RRS1: variants seen among roughly 807,000 people sequenced by gnomAD.
The protein encoded by RRS1 is regulator of ribosome synthesis 1.
In RRS1, 10 loss-of-function variants were observed where a neutral mutation model predicts 23.1. The ratio of observed to expected loss-of-function variants is 0.43; its 90% CI spans 0.27 to 0.74. RRS1 has a LOEUF of 0.74. Among genes scored for constraint, RRS1 ranks in the 30% least tolerant of loss-of-function variants. The pLI is 0.19. For synonymous variants in RRS1, 198 were observed against 207.7 expected (o/e 0.95, Z 0.40); for missense variants, 485 against 484.3 (o/e 1.00, Z -0.01).
rs1238198225 is a variant in RRS1 at position 66,430,246 on chromosome 8, G to A, written c.*17G>A. 1.2e-6 allele frequency: 2 copies of A among 1,613,378 alleles called. No individual in the cohort carries two copies. Among genetic ancestry groups the A allele is most frequent in the Admixed American group, 3.3e-5 (2 of 59,878 alleles). ...AGGAAGTAATAGTTTCTAACTGTCG[G>A]ACCCGTCTGTAAACCAAGGACTATG... On this transcript the variant is annotated 3_prime_UTR_variant, in exon 1 of 1. Transcript: ENST00000320270.
In RRS1 at chr8:66,430,121, G is replaced by C. The variant is rs1563482730; in HGVS notation, c.990G>C (p.Gln330His). 3 of 1,613,772 alleles carry C rather than the reference G, an allele frequency of 1.9e-6. No homozygotes were observed. In the African/African-American group the frequency reaches 4.0e-5, roughly 22 times the overall value. Residue 330 changes from glutamine (Q) to histidine (H), a missense_variant, in exon 1 of 1, where the codon CAG becomes CAC. Coordinates refer to ENST00000320270, the MANE Select transcript of RRS1 (RefSeq NM_015169.4). ...GGKRKGGPPS[Q>H]GGKRKGGLGG... ...AGAGGAAAGGGGGCCCGCCCAGCCA[G>C]GGAGGGAAGAGGAAAGGGGGCTTGG...
Position 66,429,818 on chromosome 8 carries a change from C to T in RRS1, c.687C>T (p.Thr229=). The change falls in exon 1 of 1, where the codon ACC becomes ACT. Residue 229 remains threonine, a synonymous_variant. Transcript: ENST00000320270. This position sits in a 1 kb window ranked among gnomAD's most constrained non-coding sequence, Gnocchi z 5.1. ...GRAMQVAKVS[T]ASVGRFQERL... is the part of the protein sequence containing the mutation. ...CCATGCAAGTGGCCAAGGTCTCCAC[C>T]GCCTCTGTGGGGCGCTTTCAGGAGC... is the stretch of plus-strand genomic sequence containing the variant. 6.2e-7 allele frequency: 1 copy of T among 1,613,250 alleles called. No individual in the cohort carries two copies. Among genetic ancestry groups the T allele is most frequent in the Non-Finnish European group, 8.5e-7 (1 of 1,180,008 alleles).
chr8:66,429,301 C>G lies in RRS1; in HGVS notation c.170C>G (p.Pro57Arg). ...PTGLRCAGPT[P>R]EAELQALARD... Reference sequence around the variant, plus strand: ...GGGCTGCGGTGCGCCGGACCCACGCCGGAGGCCGAGCTACAGGCCCTGGCG... The same window carrying G: ...GGGCTGCGGTGCGCCGGACCCACGCGGGAGGCCGAGCTACAGGCCCTGGCG... The change falls in exon 1 of 1, where the codon CCG (proline) becomes CGG (arginine). Residue 57 changes from proline (P) to arginine (R), a missense_variant. Physicochemically the swap from Pro to Arg is moderately radical, Grantham distance 103. Coordinates refer to ENST00000320270, the MANE Select transcript of RRS1 (RefSeq NM_015169.4). The surrounding 1 kb of genome is among the most constrained non-coding windows in gnomAD (Gnocchi z 5.1). 3.8e-6 allele frequency: 6 copies of G among 1,561,210 alleles called. No individual in the cohort carries two copies. Among genetic ancestry groups the G allele is most frequent in the Non-Finnish European group, 5.2e-6 (6 of 1,152,814 alleles).
In RRS1 at chr8:66,430,154, G is replaced by A. The variant is rs1296177776; in HGVS notation, c.1023G>A (p.Lys341=). ...AGAGGAAAGGGGGCTTGGGAGGCAA[G>A]ATGAATTCTGGGCCGCCTGGCTTGG... ...GGKRKGGLGG[K]MNSGPPGLGG... The change falls in exon 1 of 1, where the codon AAG becomes AAA. Residue 341 remains lysine, a synonymous_variant. Coordinates refer to ENST00000320270, the MANE Select transcript of RRS1 (RefSeq NM_015169.4). The A allele has an allele frequency of 1.2e-5, 20 of 1,614,172 alleles. No individual in the cohort carries two copies. The highest frequency in any genetic ancestry group is 1.6e-5 in the Non-Finnish European group (19 of 1,180,028).
chr8:66,429,995 C>G lies in RRS1; in HGVS notation c.864C>G (p.Thr288=). The G allele has an allele frequency of 1.2e-6, 2 of 1,613,360 alleles. No homozygotes were observed. The highest frequency in any genetic ancestry group is 1.7e-6 in the Non-Finnish European group (2 of 1,179,812). ...CTCAGCTGGATGTGACTAGGGCCACCAATAAGCAGATGAGGGAGGAGGACC... is the reference window on the plus strand; with the variant it reads ...CTCAGCTGGATGTGACTAGGGCCACGAATAAGCAGATGAGGGAGGAGGACC... ...KKPQLDVTRA[T]NKQMREEDQE... is the part of the protein sequence containing the mutation. The change falls in exon 1 of 1, where the codon ACC becomes ACG. Residue 288 remains threonine, a synonymous_variant. Transcript: ENST00000320270. This position sits in a 1 kb window ranked among gnomAD's most constrained non-coding sequence, Gnocchi z 5.1.
chr8:66,430,343 T>A lies in RRS1; in HGVS notation c.*114T>A. 2 of 1,149,276 alleles carry A rather than the reference T, an allele frequency of 1.7e-6. No individual in the cohort carries two copies. The highest frequency in any genetic ancestry group is 2.5e-6 in the Non-Finnish European group (2 of 796,758). The allele number at this position is 1,149,276 out of a possible 1,614,324, so 71.2% of individuals were successfully genotyped here. On this transcript the variant is annotated 3_prime_UTR_variant, in exon 1 of 1. Coordinates refer to ENST00000320270, the MANE Select transcript of RRS1 (RefSeq NM_015169.4). ...ACCTGGCCGCTGCCTTCATTGAGTTTAAAGGGACAGGATTGCCCTTCCGTC... is the reference window on the plus strand; with the variant it reads ...ACCTGGCCGCTGCCTTCATTGAGTTAAAAGGGACAGGATTGCCCTTCCGTC...
chr8:66,430,430 A>C lies in RRS1; in HGVS notation c.*201A>C. ...GTTTTTCCCACAACCGAGACTTTGG[A>C]GATTAAGAACTTATTTGAGGATTTA... On this transcript the variant is annotated 3_prime_UTR_variant, in exon 1 of 1. Coordinates refer to ENST00000320270, the MANE Select transcript of RRS1 (RefSeq NM_015169.4). 1.7e-6 allele frequency: 1 copy of C among 577,240 alleles called. No individual in the cohort carries two copies. Among genetic ancestry groups the C allele is most frequent in the Non-Finnish European group, 3.0e-6 (1 of 328,564 alleles). The allele number at this position is 577,240 out of a possible 1,614,324, so 35.8% of individuals were successfully genotyped here. A position where few individuals can be genotyped will look rare whatever the true frequency, so the allele number is the denominator to read the frequency against.
chr8:66,430,255 G>A lies in RRS1; in HGVS notation c.*26G>A, dbSNP rs1288346044. On this transcript the variant is annotated 3_prime_UTR_variant, in exon 1 of 1. Transcript: ENST00000320270. ...TAGTTTCTAACTGTCGGACCCGTCT[G>A]TAAACCAAGGACTATGAATACTAAA... is the stretch of plus-strand genomic sequence containing the variant. The A allele has an allele frequency of 6.2e-7, 1 of 1,612,704 alleles. No homozygotes were observed. The highest frequency in any genetic ancestry group is 1.1e-5 in the South Asian group (1 of 90,930).
Position 66,429,278 on chromosome 8 carries a change from G to A in RRS1, c.147G>A (p.Gly49=). 1 of 1,574,930 alleles carries A rather than the reference G, an allele frequency of 6.3e-7. No individual in the cohort carries two copies. Among genetic ancestry groups the A allele is most frequent in the South Asian group, 1.2e-5 (1 of 86,916 alleles). Residue 49 remains glycine, a synonymous_variant, in exon 1 of 1, where the codon GGG becomes GGA. Coordinates refer to ENST00000320270, the MANE Select transcript of RRS1 (RefSeq NM_015169.4). The surrounding 1 kb of genome is among the most constrained non-coding windows in gnomAD (Gnocchi z 5.1). ...CGTCGGACCGGAACCCCCCGACCGG[G>A]CTGCGGTGCGCCGGACCCACGCCGG... ...LLASDRNPPT[G]LRCAGPTPEA... is the part of the protein sequence containing the mutation.
At position 66,429,299 on chromosome 8, in the gene RRS1, G is replaced by T. The variant is rs773601050; in HGVS notation, c.168G>T (p.Thr56=). ...CCGGGCTGCGGTGCGCCGGACCCAC[G>T]CCGGAGGCCGAGCTACAGGCCCTGG... ...PPTGLRCAGP[T]PEAELQALAR... is the part of the protein sequence containing the mutation. The change falls in exon 1 of 1, where the codon ACG becomes ACT. Residue 56 remains threonine (T), a synonymous_variant. Transcript: ENST00000320270. This position sits in a 1 kb window ranked among gnomAD's most constrained non-coding sequence, Gnocchi z 5.1. 41 of 1,561,654 alleles carry T rather than the reference G, an allele frequency of 2.6e-5. No individual in the cohort carries two copies. The highest frequency in any genetic ancestry group is 6.1e-6 in the Non-Finnish European group (7 of 1,153,136).
Position 66,430,340 on chromosome 8 carries a change from G to A in RRS1, c.*111G>A. On this transcript the variant is annotated 3_prime_UTR_variant, in exon 1 of 1. Transcript: ENST00000320270. ...AGGACCTGGCCGCTGCCTTCATTGAGTTTAAAGGGACAGGATTGCCCTTCC... is the reference window on the plus strand; with the variant it reads ...AGGACCTGGCCGCTGCCTTCATTGAATTTAAAGGGACAGGATTGCCCTTCC... 2 of 1,173,400 alleles carry A rather than the reference G, an allele frequency of 1.7e-6. No homozygotes were observed. The highest frequency in any genetic ancestry group is 2.4e-6 in the Non-Finnish European group (2 of 818,506). 72.7% of individuals were successfully genotyped at this position (1,173,400 alleles called of 1,614,324 possible). A position where few individuals can be genotyped will look rare whatever the true frequency, so the allele number is the denominator to read the frequency against.
rs1805206674 is a variant in RRS1, at chr8:66,430,612, G to A, written c.*383G>A. ...TGTTTCTGCATTATTTTTACAACAA[G>A]TTTGTGTATCAGAGCGGGAGTGCGG... On this transcript the variant is annotated 3_prime_UTR_variant, in exon 1 of 1. Coordinates refer to ENST00000320270, the MANE Select transcript of RRS1 (RefSeq NM_015169.4). 1 of 205,170 alleles carries A rather than the reference G, an allele frequency of 4.9e-6. No individual in the cohort carries two copies. The highest frequency in any genetic ancestry group is 1.3e-4 in the South Asian group (1 of 7,682). 12.7% of individuals were successfully genotyped at this position (205,170 alleles called of 1,614,324 possible).
Position 66,430,453 on chromosome 8 carries a change from T to A in RRS1, c.*224T>A, listed in dbSNP as rs1298787029. 1 of 522,676 alleles carries A rather than the reference T, an allele frequency of 1.9e-6. No individual in the cohort carries two copies. Among genetic ancestry groups the A allele is most frequent in the Non-Finnish European group, 3.4e-6 (1 of 294,802 alleles). 32.4% of individuals were successfully genotyped at this position (522,676 alleles called of 1,614,324 possible). A position where few individuals can be genotyped will look rare whatever the true frequency, so the allele number is the denominator to read the frequency against. On this transcript the variant is annotated 3_prime_UTR_variant, in exon 1 of 1. Transcript: ENST00000320270. ...GGAGATTAAGAACTTATTTGAGGAT[T>A]TAAGAATTAGGGAAATAATTTGGTG...
In RRS1 at chr8:66,430,323, G is replaced by C; in HGVS notation, c.*94G>C. The C allele has an allele frequency of 7.3e-7, 1 of 1,367,440 alleles. No individual in the cohort carries two copies. The allele number at this position is 1,367,440 out of a possible 1,614,324, so 84.7% of individuals were successfully genotyped here. On this transcript the variant is annotated 3_prime_UTR_variant, in exon 1 of 1. Transcript: ENST00000320270. Reference sequence around the variant, plus strand: ...TTATACGGGGACTCAGAAGGACCTGGCCGCTGCCTTCATTGAGTTTAAAGG... The same window carrying C: ...TTATACGGGGACTCAGAAGGACCTGCCCGCTGCCTTCATTGAGTTTAAAGG...
In RRS1 at chr8:66,429,755, C is replaced by T. The variant is rs954370183; in HGVS notation, c.624C>T (p.His208=). 23 of 1,612,576 alleles carry T rather than the reference C, an allele frequency of 1.4e-5. No homozygotes were observed. Among genetic ancestry groups the T allele is most frequent in the African/African-American group, 8.0e-5 (6 of 74,940 alleles). Residue 208 remains histidine, a synonymous_variant, in exon 1 of 1, where the codon CAC becomes CAT. Coordinates refer to ENST00000320270, the MANE Select transcript of RRS1 (RefSeq NM_015169.4). The surrounding 1 kb of genome is among the most constrained non-coding windows in gnomAD (Gnocchi z 5.1). The part of the protein sequence containing the change: ...KMQLPSAAGL[H]PTGHQSKEEL... ...AGCTGCCCAGCGCGGCCGGCTTGCA[C>T]CCTACCGGACACCAGAGTAAGGAGG...
Position 66,429,489 on chromosome 8 carries a change from C to T in RRS1, c.358C>T (p.Leu120Phe). The change falls in exon 1 of 1, where the codon CTC becomes TTC. Residue 120 changes from leucine (L) to phenylalanine (F), a missense_variant. By Grantham distance (22) the Leu-to-Phe change is conservative. Transcript: ENST00000320270. This position sits in a 1 kb window ranked among gnomAD's most constrained non-coding sequence, Gnocchi z 5.1. Reference sequence around the variant, plus strand: ...TACACGCTGGCAGCAGTTCGCGCGCCTCAAGGGCATCCGTCCCAAGAAGAA... The same window carrying T: ...TACACGCTGGCAGCAGTTCGCGCGCTTCAAGGGCATCCGTCCCAAGAAGAA... ...PLTRWQQFAR[L>F]KGIRPKKKTN... The T allele has an allele frequency of 1.3e-6, 2 of 1,593,266 alleles. No homozygotes were observed. The highest frequency in any genetic ancestry group is 1.7e-6 in the Non-Finnish European group (2 of 1,170,228).
In RRS1 at chr8:66,430,004, G is replaced by C. The variant is rs756898946; in HGVS notation, c.873G>C (p.Gln291His). 2 of 1,612,904 alleles carry C rather than the reference G, an allele frequency of 1.2e-6. No homozygotes were observed. The highest frequency in any genetic ancestry group is 4.5e-5 in the East Asian group (2 of 44,870). The change falls in exon 1 of 1, where the codon CAG becomes CAC. Residue 291 changes from glutamine (Q) to histidine (H), a missense_variant. Transcript: ENST00000320270. ...QLDVTRATNK[Q>H]MREEDQEEAA... Reference sequence around the variant, plus strand: ...ATGTGACTAGGGCCACCAATAAGCAGATGAGGGAGGAGGACCAGGAGGAGG... The same window carrying C: ...ATGTGACTAGGGCCACCAATAAGCACATGAGGGAGGAGGACCAGGAGGAGG...
At position 66,429,479 on chromosome 8, in the gene RRS1, G is replaced by C. The variant is rs34077648; in HGVS notation, c.348G>C (p.Gln116His). Residue 116 changes from glutamine to histidine, a missense_variant, in exon 1 of 1, where the codon CAG (glutamine) becomes CAC (histidine). By Grantham distance (24) the Gln-to-His change is conservative. Transcript: ENST00000320270. This position sits in a 1 kb window ranked among gnomAD's most constrained non-coding sequence, Gnocchi z 5.1. The part of the protein sequence containing the change: ...PRPRPLTRWQ[Q>H]FARLKGIRPK... ...CGCGGCCACTTACACGCTGGCAGCA[G>C]TTCGCGCGCCTCAAGGGCATCCGTC... is the stretch of plus-strand genomic sequence containing the variant. 21,610 of 1,582,490 alleles carry C rather than the reference G, an allele frequency of 0.014. 222 individuals carry two copies. The highest frequency in any genetic ancestry group is 0.041 in the African/African-American group (3,045 of 74,400).
Position 66,429,761 on chromosome 8 carries a change from C to T in RRS1, c.630C>T (p.Thr210=), listed in dbSNP as rs34322476. 51 of 1,612,680 alleles carry T rather than the reference C, an allele frequency of 3.2e-5. No homozygotes were observed. Among genetic ancestry groups the T allele is most frequent in the African/African-American group, 2.4e-4 (18 of 75,042 alleles). Residue 210 remains threonine, a synonymous_variant, in exon 1 of 1, where the codon ACC becomes ACT. Transcript: ENST00000320270. The surrounding 1 kb of genome is among the most constrained non-coding windows in gnomAD (Gnocchi z 5.1). The stretch of plus-strand genomic sequence containing the variant: ...CCAGCGCGGCCGGCTTGCACCCTAC[C>T]GGACACCAGAGTAAGGAGGAGCTGG... ...QLPSAAGLHP[T]GHQSKEELGR...
Sources: gnomAD v4.1 joint callset for allele counts on GRCh38, gnomAD v4.1.1 for gene constraint, Gnocchi (gnomAD v3.1) non-coding constraint, MANE v1.5 for transcripts, NCBI Gene and HGNC (gene_info 2026-07-23, HGNC 2026-07-21) for gene names.